The following HMGXB4 variants were observed in gnomAD, a reference collection of about 807,000 sequenced individuals.
HMGXB4 encodes the protein HMG-box containing 4.
HMGXB4 carries 27 observed loss-of-function variants against 63.9 expected under a neutral mutation model. That is an observed-to-expected ratio of 0.42 (90% CI 0.31 to 0.58). The LOEUF (loss-of-function observed/expected upper bound fraction) is 0.58. Ranked by LOEUF, HMGXB4 falls within the 20% of genes least tolerant of loss-of-function variation. HMGXB4 has a pLI of 0.13. For missense variants in HMGXB4, 624 were observed against 700.7 expected, an observed-to-expected ratio of 0.89 and a Z score of 1.24; for synonymous variants, 264 against 265.3, an observed-to-expected ratio of 0.99 and a Z score of 0.05.
chr22:35,292,785 G>A (rs1925008557), intron 9 of HMGXB4, among the ~76,000 whole-genome samples: 2 of 152,234 alleles, frequency 1.3e-5, no homozygotes, highest in Non-Finnish European at 2.9e-5. Flanking sequence ...GATGGGCTAG[G>A]ATTACGGAAA....
chr22:35,264,856 T>G lies in HMGXB4; in HGVS notation c.468T>G (p.Ser156Arg). The G allele has an allele frequency of 6.2e-7, 1 of 1,614,060 alleles. No individual in the cohort carries two copies. The highest frequency in any genetic ancestry group is 8.5e-7 in the Non-Finnish European group (1 of 1,179,984). The change falls in exon 5 of 11, where the codon AGT (serine) becomes AGG (arginine). Residue 156 changes from serine to arginine, a missense_variant. Transcript: ENST00000216106. ...EHHRKKVSGS[S>R]GELPLEDGGS... is the part of the protein sequence containing the mutation. ...ACAGGAAGAAAGTCAGTGGAAGCAG[T>G]GGGGAACTACCCCTAGAGGATGGTG...
chr22:35,248,173 G>A, the HMGXB4 span, among the ~76,000 whole-genome samples: 1 of 152,122 alleles, frequency 6.6e-6, no homozygotes, highest in Non-Finnish European at 1.5e-5. Context: ...GTTGCAAAAT[G>A]GTACACCCGT....
At chr22:35,244,297 C>CT in the HMGXB4 span, among the ~76,000 whole-genome samples, 192 of 122,212 alleles carry the variant, frequency 1.6e-3, 1 homozygote, top group African/African-American at 5.5e-3. Flanking sequence ...TTTCTTTTTT[C>CT]TTTTTTTTTT....
intron 5 of HMGXB4, among the ~76,000 whole-genome samples, chr22:35,282,933 T>G (rs1924354736): frequency 1.3e-5 from 2 of 152,276 alleles, no homozygotes; most frequent in African/African-American, 4.8e-5. Context: ...ATCTTCTGTT[T>G]TATATATTTC....
intron 1 of HMGXB4, among the ~76,000 whole-genome samples, chr22:35,261,585 A>G (rs903614370): frequency 1.3e-5 from 2 of 152,222 alleles, no homozygotes; most frequent in African/African-American, 4.8e-5. Context: ...AATTATAGCA[A>G]TTCTTATTAG....
rs1271667469 is a variant in HMGXB4, at chr22:35,259,370, G to A, written c.-69+1813G>A. Among the ~76,000 whole-genome samples the A allele has an allele frequency of 2.0e-5, 3 of 152,272 alleles. No homozygotes were observed. The East Asian group carries it at 5.8e-4, about 29-fold the overall frequency. On this transcript the variant is annotated intron_variant, in intron 1 of 10. Transcript: ENST00000216106. ...TCCCAAATTATTGAATTGAGACTGGGTTTTAACACCTGTTTCACATTTGCC... is the reference window on the plus strand; with the variant it reads ...TCCCAAATTATTGAATTGAGACTGGATTTTAACACCTGTTTCACATTTGCC...
chr22:35,279,132 C>CTTTTTTTTTTTTTTTT (rs551006065), intron 5 of HMGXB4, among the ~76,000 whole-genome samples: 1 of 50,802 alleles, frequency 2.0e-5, no homozygotes, highest in Non-Finnish European at 3.2e-5. Flanking sequence ...TATGGATTGT[C>CTTTTTTTTTTTTTTTT]TTTTTTTTTT....
intron 5 of HMGXB4, among the ~76,000 whole-genome samples, chr22:35,272,955 C>T (rs183674229): frequency 1.3e-5 from 2 of 152,240 alleles, no homozygotes; most frequent in East Asian, 3.9e-4. Flanking sequence ...AATAATATCC[C>T]GTAATGTTGC....
intron 9 of HMGXB4, 35 bp from the exon 10 acceptor site, chr22:35,292,957 G>A (rs753792700): frequency 2.9e-5 from 47 of 1,613,970 alleles, no homozygotes; most frequent in African/African-American, 6.7e-5. Context: ...AGCATCAGGA[G>A]TGTGACTCAA....
chr22:35,264,158 C>A, intron 4 of HMGXB4: 2 of 1,080,596 alleles, frequency 1.9e-6, no homozygotes, highest in Non-Finnish European at 1.3e-6. Context: ...ATCTAGCATC[C>A]CTTTTGCCAT....
At position 35,263,086 on chromosome 22, in the gene HMGXB4, G is replaced by C. The variant is rs1170932358; in HGVS notation, c.40G>C (p.Asp14His). 1 of 1,613,368 alleles carries C rather than the reference G, an allele frequency of 6.2e-7. No individual in the cohort carries two copies. Among genetic ancestry groups the C allele is most frequent in the Non-Finnish European group, 8.5e-7 (1 of 1,179,854 alleles). ...DDSVKKEDCF[D>H]GDHTFEDIGL... ...AAACCTGTGCTTCTCAGATTGTTTT[G>C]ATGGTGATCATACCTTTGAGGACAT... is the stretch of plus-strand genomic sequence containing the variant. Residue 14 changes from aspartate (D) to histidine (H), a missense_variant, in exon 3 of 11, where the codon GAT (aspartate) becomes CAT (histidine). Asp to His is a moderately conservative substitution (Grantham distance 81, BLOSUM62 -1). Transcript: ENST00000216106.
chr22:35,287,840 A>G (rs1397957372), intron 8 of HMGXB4, among the ~76,000 whole-genome samples: 1 of 152,078 alleles, frequency 6.6e-6, no homozygotes, highest in Non-Finnish European at 1.5e-5. Context: ...CCCAGCTACC[A>G]GAGAGGCTGA....
upstream of HMGXB4, among the ~76,000 whole-genome samples, chr22:35,255,592 A>G (rs1418186910): frequency 6.6e-6 from 1 of 152,232 alleles, no homozygotes; most frequent in Non-Finnish European, 1.5e-5. Flanking sequence ...TGCTGGAGTC[A>G]TCACCTGAAT....
rs1925162136 is a variant in HMGXB4, at chr22:35,294,762, A to G, written c.*1111A>G. 1 of 152,146 alleles carries G rather than the reference A, an allele frequency of 6.6e-6. No individual in the cohort carries two copies. 9.4% of individuals were successfully genotyped at this position (152,146 alleles called of 1,614,324 possible). On this transcript the variant is annotated 3_prime_UTR_variant, in exon 11 of 11. Coordinates refer to ENST00000216106, the MANE Select transcript of HMGXB4 (RefSeq NM_001003681.3). ...AGCCTCCACCAGCAACAGCATGTGG[A>G]AGATACAGATTTGTCATTTCTCCCT...
At chr22:35,279,652 G>A (rs1924124862) in intron 5 of HMGXB4, among the ~76,000 whole-genome samples, 1 of 150,146 alleles carries the variant, frequency 6.7e-6, no homozygotes. Context: ...AATTTGTGAA[G>A]GGGGTGAGGT....
In HMGXB4 at chr22:35,265,270, A is replaced by G. The variant is rs1471177937; in HGVS notation, c.882A>G (p.Ser294=). The G allele has an allele frequency of 4.3e-6, 7 of 1,614,042 alleles. No individual in the cohort carries two copies. Among genetic ancestry groups the G allele is most frequent in the Non-Finnish European group, 5.9e-6 (7 of 1,180,038 alleles). The change falls in exon 5 of 11, where the codon TCA becomes TCG. Residue 294 remains serine, a synonymous_variant. Coordinates refer to ENST00000216106, the MANE Select transcript of HMGXB4 (RefSeq NM_001003681.3). ...LSGLEPILVE[S]DSSSGGELEA... ...GGCTTGAACCTATTCTGGTAGAATC[A>G]GACTCATCCTCTGGTGGGGAACTAG...
Position 35,265,538 on chromosome 22 carries a change from G to A in HMGXB4, c.1150G>A (p.Asp384Asn). The change falls in exon 5 of 11, where the codon GAT (aspartate) becomes AAT (asparagine). Residue 384 changes from aspartate to asparagine, a missense_variant. This residue lies in a region of HMGXB4 where 472 missense variants were observed against 470.6 expected (regional missense o/e 1.00). Coordinates refer to ENST00000216106, the MANE Select transcript of HMGXB4 (RefSeq NM_001003681.3). ...PPLPLPGLHT[D>N]GHSEKKKKKE... ...CCTGCCACTTCCTGGCCTCCACACA[G>A]ATGGGCATAGTGAAAAAAAAAAGAA... The A allele has an allele frequency of 6.2e-7, 1 of 1,606,858 alleles. No homozygotes were observed. The highest frequency in any genetic ancestry group is 8.5e-7 in the Non-Finnish European group (1 of 1,178,040).
chr22:35,241,874 A>G, the HMGXB4 span, among the ~76,000 whole-genome samples: 2 of 152,090 alleles, frequency 1.3e-5, no homozygotes, highest in Non-Finnish European at 2.9e-5. Context: ...CTGGGGCTAA[A>G]ATTCACAATG....
intron 1 of HMGXB4, among the ~76,000 whole-genome samples, chr22:35,260,049 A>ATTT (rs1239262216): frequency 1.3e-5 from 2 of 152,100 alleles, no homozygotes; most frequent in African/African-American, 4.8e-5. Context: ...AGAGGTACTT[A>ATTT]TTTCTATTCT....
Sources: gnomAD v4.1 joint callset for allele counts (sites outside exome capture counted in the v4.1 genomes callset) on GRCh38, gnomAD v4.1.1 for gene constraint, gnomAD v4.1.1 regional missense constraint, MANE v1.5 for transcripts, NCBI Gene and HGNC (gene_info 2026-07-23, HGNC 2026-07-21) for gene names.